The following FEZ1 variants were observed in gnomAD, a reference collection of about 807,000 sequenced individuals.
The protein encoded by FEZ1 is fasciculation and elongation protein zeta-1.
A neutral mutation model predicts 49.3 loss-of-function variants in FEZ1; 20 were observed. The ratio of observed to expected loss-of-function variants is 0.41; its 90% CI spans 0.29 to 0.59. FEZ1 has a LOEUF of 0.59. Among genes scored for constraint, FEZ1 ranks in the 20% least tolerant of loss-of-function variants. FEZ1 has a pLI of 0.36. For missense variants in FEZ1, 413 were observed against 476.0 expected, an observed-to-expected ratio of 0.87 and a Z score of 1.23; for synonymous variants, 170 against 180.9, an observed-to-expected ratio of 0.94 and a Z score of 0.48.
At chr11:125,469,425 A>C (rs1417326397) in intron 3 of FEZ1, among the ~76,000 whole-genome samples, 2 of 152,136 alleles carry the variant, frequency 1.3e-5, no homozygotes, top group African/African-American at 4.8e-5. Flanking sequence ...TGCCCAACTA[A>C]CTTTTGTATT....
At chr11:125,447,717 G>A (rs1956910864) in intron 9 of FEZ1, among the ~76,000 whole-genome samples, 1 of 151,864 alleles carries the variant, frequency 6.6e-6, no homozygotes, top group South Asian at 2.1e-4. Context: ...AGCTACTTAG[G>A]AGGCTGAGGC....
intron 1 of FEZ1, among the ~76,000 whole-genome samples, chr11:125,490,489 T>C (rs914191819): frequency 6.6e-6 from 1 of 152,198 alleles, no homozygotes; most frequent in African/African-American, 2.4e-5. Context: ...GAATTCCAAA[T>C]GCCTGGCCCC....
rs1032939387 is a variant in FEZ1 at position 125,489,372 on chromosome 11, C to A, written c.311+95G>T. ...GCAACACGAAAATGAAAGTAATAGC[C>A]CATAAACCTATAGACAGAAACCAGC... is the stretch of plus-strand genomic sequence containing the variant. On this transcript the variant is annotated intron_variant, in intron 2 of 9. Transcript: ENST00000278919. This position sits in a 1 kb window ranked among gnomAD's most constrained non-coding sequence, Gnocchi z 4.2. 7.3e-6 allele frequency: 11 copies of A among 1,510,956 alleles called. No homozygotes were observed. The African/African-American group carries it at 1.4e-4, about 19-fold the overall frequency. The allele number at this position is 1,510,956 out of a possible 1,614,324, so 93.6% of individuals were successfully genotyped here.
At chr11:125,494,363 G>A (rs1019089995) in intron 1 of FEZ1, among the ~76,000 whole-genome samples, 4 of 152,030 alleles carry the variant, frequency 2.6e-5, no homozygotes, top group African/African-American at 9.7e-5. Flanking sequence ...ACTTTCTTTC[G>A]CCCTCCTCTC....
intron 9 of FEZ1, among the ~76,000 whole-genome samples, chr11:125,447,332 C>T (rs1956907624): frequency 6.6e-6 from 1 of 152,078 alleles, no homozygotes; most frequent in Admixed American, 6.6e-5. Context: ...GCACAAACAA[C>T]CTAGTTTCTC....
At chr11:125,467,485 G>T (rs958111917) in intron 3 of FEZ1, among the ~76,000 whole-genome samples, 2 of 152,194 alleles carry the variant, frequency 1.3e-5, no homozygotes, top group Non-Finnish European at 2.9e-5. Flanking sequence ...AAAAAGAGAG[G>T]ACTGAGAGCA....
chr11:125,493,077 A>G (rs960076444), intron 1 of FEZ1, among the ~76,000 whole-genome samples: 5 of 151,846 alleles, frequency 3.3e-5, no homozygotes, highest in Non-Finnish European at 7.4e-5. Context: ...CTGTAATCCC[A>G]GCACTTTGGG....
chr11:125,457,421 A>ATAT (rs1314968863), intron 5 of FEZ1, among the ~76,000 whole-genome samples: 5 of 40,620 alleles, frequency 1.2e-4, no homozygotes, highest in African/African-American at 4.2e-4. Context: ...AAAAAAAAAA[A>ATAT]AAAAAAAAAT....
rs1403499067 is a variant in FEZ1 at position 125,489,665 on chromosome 11, A to T, written c.113T>A (p.Leu38His). ...QCFYGSSPHHLEDPSLSELEN... is the reference protein window; with the variant it reads ...QCFYGSSPHHHEDPSLSELEN... Reference sequence around the variant, plus strand: ...AAGCTCGGAGAGGGAGGGGTCCTCGAGATGGTGGGGAGATGAACCATAGAA... The same window carrying T: ...AAGCTCGGAGAGGGAGGGGTCCTCGTGATGGTGGGGAGATGAACCATAGAA... Residue 38 changes from leucine (L) to histidine (H), a missense_variant, in exon 2 of 10, where the codon CTC becomes CAC. Transcript: ENST00000278919. The surrounding 1 kb of genome is among the most constrained non-coding windows in gnomAD (Gnocchi z 4.2). 10 of 1,613,958 alleles carry T rather than the reference A, an allele frequency of 6.2e-6. No individual in the cohort carries two copies. The highest frequency in any genetic ancestry group is 8.5e-6 in the Non-Finnish European group (10 of 1,179,992).
chr11:125,488,684 A>C (rs554001405), intron 2 of FEZ1: 279 of 982,592 alleles, frequency 2.8e-4, no homozygotes, highest in East Asian at 1.5e-3. Context: ...CATCTCAAAA[A>C]AAAACAAAAC....
intron 3 of FEZ1, among the ~76,000 whole-genome samples, chr11:125,470,355 C>A (rs1039942746): frequency 6.6e-6 from 1 of 152,158 alleles, no homozygotes; most frequent in African/African-American, 2.4e-5. Flanking sequence ...ACTTTTCCAT[C>A]GAGCTGAAGG....
intron 4 of FEZ1, 165 bp downstream of exon 4, chr11:125,463,319 T>C (rs1304212233): frequency 1.9e-6 from 1 of 522,348 alleles, no homozygotes; most frequent in Non-Finnish European, 3.4e-6. Flanking sequence ...AGTATATATA[T>C]ATAAAGAAAA....
intron 3 of FEZ1, among the ~76,000 whole-genome samples, chr11:125,475,742 T>C (rs1565300270): frequency 7.0e-6 from 1 of 143,366 alleles, no homozygotes; most frequent in Non-Finnish European, 1.5e-5. Context: ...AAATAAAAGC[T>C]AAAAAAAAAA....
At chr11:125,451,115 C>A (rs1383356246) in intron 8 of FEZ1, among the ~76,000 whole-genome samples, 5 of 152,052 alleles carry the variant, frequency 3.3e-5, no homozygotes, top group African/African-American at 1.2e-4. Context: ...CATATATCAA[C>A]CTTCATAATT....
rs1956966273 is a variant in FEZ1, at chr11:125,452,414, A to G, written c.1021-5T>C. 3.1e-6 allele frequency: 5 copies of G among 1,606,262 alleles called. No homozygotes were observed. Among genetic ancestry groups the G allele is most frequent in the South Asian group, 1.1e-5 (1 of 90,886 alleles). ...AGGAATGACTGTGTTCAGATACTGC[A>G]AGACAAACAGCATGCAGGGGGCTTG... On this transcript the variant is annotated splice_region_variant and splice_polypyrimidine_tract_variant and intron_variant, in intron 7 of 9. Coordinates refer to ENST00000278919, the MANE Select transcript of FEZ1 (RefSeq NM_005103.5).
In FEZ1 at chr11:125,460,621, C is replaced by T. The variant is rs1957065626; in HGVS notation, c.544G>A (p.Glu182Lys). 6.2e-7 allele frequency: 1 copy of T among 1,614,036 alleles called. No homozygotes were observed. Among genetic ancestry groups the T allele is most frequent in the African/African-American group, 1.3e-5 (1 of 74,918 alleles). Residue 182 changes from glutamate (E) to lysine (K), a missense_variant, in exon 5 of 10, where the codon GAG becomes AAG. Physicochemically the swap from Glu to Lys is moderately conservative, Grantham distance 56 (BLOSUM62 1). Coordinates refer to ENST00000278919, the MANE Select transcript of FEZ1 (RefSeq NM_005103.5). Reference sequence around the variant, plus strand: ...TCTTCCAGAACCTCCTCTTCTTCCTCAGGGTCTGGGGAGTTCTGCATCATT... The same window carrying T: ...TCTTCCAGAACCTCCTCTTCTTCCTTAGGGTCTGGGGAGTTCTGCATCATT... ...EEMMQNSPDP[E>K]EEEEVLEEED...
intron 2 of FEZ1, among the ~76,000 whole-genome samples, chr11:125,485,327 A>C (rs543624408): frequency 6.6e-6 from 1 of 152,132 alleles, no homozygotes; most frequent in Admixed American, 6.5e-5. Context: ...CTGCTGGCAG[A>C]GTATGAGCAA....
rs565610893 is a variant in FEZ1 at position 125,486,599 on chromosome 11, C to G, written c.311+2868G>C. On this transcript the variant is annotated intron_variant, in intron 2 of 9. Coordinates refer to ENST00000278919, the MANE Select transcript of FEZ1 (RefSeq NM_005103.5). ...TTCTAAGGGAATCACTACATTTGCTCTATGATTTGTGCTGTCTTTAAGGAG... is the reference window on the plus strand; with the variant it reads ...TTCTAAGGGAATCACTACATTTGCTGTATGATTTGTGCTGTCTTTAAGGAG... 3.3e-5 allele frequency among the ~76,000 whole-genome samples: 5 copies of G among 152,306 alleles called. No homozygotes were observed. The East Asian group carries it at 9.6e-4, about 29-fold the overall frequency.
At chr11:125,453,936 A>AC in intron 7 of FEZ1, 194 bp downstream of exon 7, 2 of 436,550 alleles carry the variant, frequency 4.6e-6, no homozygotes, top group Non-Finnish European at 8.1e-6. Context: ...CTCAAAAAAA[A>AC]AAAAAAAAAA....
Sources: allele counts gnomAD v4.1 joint callset (sites outside exome capture counted in the v4.1 genomes callset), GRCh38; gene constraint gnomAD v4.1.1; non-coding constraint Gnocchi (gnomAD v3.1); transcripts MANE v1.5; gene names NCBI Gene and HGNC (gene_info 2026-07-23, HGNC 2026-07-21).